Variants in EIF2D observed in about 807,000 individuals in gnomAD.
EIF2D encodes hepatocellular carcinoma-associated antigen 56.
EIF2D carries 56 observed loss-of-function variants against 77.4 expected under a neutral mutation model. The ratio of observed to expected loss-of-function variants is 0.72; its 90% confidence interval spans 0.58 to 0.90. The LOEUF is 0.90. EIF2D is among the 40% of genes least tolerant of loss of function. The pLI, the probability that EIF2D is intolerant of heterozygous loss-of-function variation, is 0.00. For synonymous variants in EIF2D, 230 were observed against 271.0 expected (o/e 0.85, Z 1.49); for missense variants, 574 against 706.5 (o/e 0.81, Z 2.13).
intron 4 of EIF2D, among the ~76,000 whole-genome samples, chr1:206,607,200 T>G (rs1670241240): frequency 6.6e-6 from 1 of 151,488 alleles, no homozygotes; most frequent in Non-Finnish European, 1.5e-5. Flanking sequence ...CGCATAAAAA[T>G]AAAAAAGAAA....
At chr1:206,589,160 CCTT>C (rs2102268182), downstream of EIF2D, 1 of 152,664 alleles carries the variant, frequency 6.6e-6, no homozygotes, top group South Asian at 2.1e-4. Flanking sequence ...GCTGGTAGTG[CCTT>C]CTTTGGTTGT....
Position 206,611,138 on chromosome 1 carries a change from C to A in EIF2D, c.247+46G>T, listed in dbSNP as rs1553413864. On this transcript the variant is annotated intron_variant, in intron 2 of 14. Transcript: ENST00000271764. Reference sequence around the variant, plus strand: ...GAAACAGAGAGAAGCAGATGTTAGGCAAGAACTACCTAATGGTAATGGCCA... The same window carrying A: ...GAAACAGAGAGAAGCAGATGTTAGGAAAGAACTACCTAATGGTAATGGCCA... 3 of 1,524,058 alleles carry A rather than the reference C, an allele frequency of 2.0e-6. No homozygotes were observed. In the East Asian group the frequency reaches 6.9e-5, roughly 35 times the overall value. 94.4% of individuals were successfully genotyped at this position (1,524,058 alleles called of 1,614,324 possible). A position where few individuals can be genotyped will look rare whatever the true frequency, so the allele number is the denominator to read the frequency against.
At position 206,579,666 on chromosome 1, in the gene EIF2D, T is replaced by A. The variant is rs371557123; in HGVS notation, c.*254+1026A>T. 7.9e-5 allele frequency among the ~76,000 whole-genome samples: 12 copies of A among 152,166 alleles called. No homozygotes were observed. Among genetic ancestry groups the A allele is most frequent in the African/African-American group, 2.9e-4 (12 of 41,428 alleles). On this transcript the variant is annotated intron_variant and NMD_transcript_variant, in intron 4 of 5. Transcript: ENST00000472709. This position sits in a 1 kb window ranked among gnomAD's most constrained non-coding sequence, Gnocchi z 4.2. ...GAATTAAAATCAACTAGGAGATTTT[T>A]AAAATTCCCATGCCCAGACTGCACC... is the stretch of plus-strand genomic sequence containing the variant.
chr1:206,593,506 A>AGTGTGTGTGTGCGT (rs1286437460), intron 14 of EIF2D, 113 bp downstream of exon 14: 5,922 of 441,228 alleles, frequency 0.013, 172 homozygotes, highest in African/African-American at 0.053. Flanking sequence ...AGAGAGAGAG[A>AGTGTGTGTGTGCGT]GAGTGTGTGT....
intron 4 of EIF2D, among the ~76,000 whole-genome samples, chr1:206,578,454 T>C (rs782350788): frequency 6.6e-6 from 1 of 152,132 alleles, no homozygotes; most frequent in Non-Finnish European, 1.5e-5. Flanking sequence ...CGGTACATAT[T>C]AGCTGTAGTG....
intron 14 of EIF2D, 111 bp downstream of exon 14, chr1:206,593,508 A>AGAGAGTGTGTGT (rs10533643): frequency 7.0e-5 from 28 of 401,570 alleles, no homozygotes; most frequent in African/African-American, 5.4e-4. Context: ...AGAGAGAGAG[A>AGAGAGTGTGTGT]GTGTGTGTGT....
intron 4 of EIF2D, among the ~76,000 whole-genome samples, chr1:206,573,303 T>C (rs1553404564): frequency 2.0e-5 from 3 of 152,184 alleles, no homozygotes; most frequent in African/African-American, 7.2e-5. Context: ...CCCAAATTTA[T>C]AGATGAAGAA....
chr1:206,582,327 A>G (rs1553406538), intron 2 of EIF2D, among the ~76,000 whole-genome samples: 1 of 152,222 alleles, frequency 6.6e-6, no homozygotes, highest in African/African-American at 2.4e-5. Flanking sequence ...ATCTGGGAAC[A>G]TATGAGAAGA....
chr1:206,575,824 C>T (rs1347724690), intron 4 of EIF2D, among the ~76,000 whole-genome samples: 1 of 152,228 alleles, frequency 6.6e-6, no homozygotes, highest in African/African-American at 2.4e-5. Context: ...CATTTGTTCT[C>T]ATCAGCTAGC....
At chr1:206,590,390 C>T (rs782341154), downstream of EIF2D, among the ~76,000 whole-genome samples, 1 of 152,184 alleles carries the variant, frequency 6.6e-6, no homozygotes, top group Non-Finnish European at 1.5e-5. Context: ...CCTTCAAGAT[C>T]GTGCAAAACA....
chr1:206,583,136 C>T (rs1051675096), intron 2 of EIF2D: 13 of 638,546 alleles, frequency 2.0e-5, no homozygotes, highest in Admixed American at 4.6e-5. Flanking sequence ...ACTCCGAGTC[C>T]GTGCAGTTAG....
chr1:206,598,317 C>T (rs1669748483), intron 11 of EIF2D, among the ~76,000 whole-genome samples: 1 of 152,170 alleles, frequency 6.6e-6, no homozygotes, highest in African/African-American at 2.4e-5. Context: ...GGATTACAGA[C>T]ATAAGCCACA....
intron 2 of EIF2D, chr1:206,585,245 A>ACGG (rs1669064719): frequency 6.2e-7 from 1 of 1,613,942 alleles, no homozygotes; most frequent in Non-Finnish European, 8.5e-7. Context: ...TGGGCCTGAC[A>ACGG]CGGAGGTCCT....
At chr1:206,588,846 C>T (rs956959487), downstream of EIF2D, 2 of 152,698 alleles carry the variant, frequency 1.3e-5, no homozygotes, top group East Asian at 3.7e-4. Flanking sequence ...TTCCTTCGTC[C>T]TGCATGTCTC....
Position 206,599,053 on chromosome 1 carries a change from G to A in EIF2D, c.1242C>T (p.Ile414=), listed in dbSNP as rs144772990. The A allele has an allele frequency of 2.2e-4, 360 of 1,614,104 alleles. No homozygotes were observed. Among genetic ancestry groups the A allele is most frequent in the Non-Finnish European group, 2.9e-4 (340 of 1,180,012 alleles). ...SFLEGSEVRT[I]VINYAKKNDL... ...CATTTTTCTTGGCGTAGTTAATGAC[G>A]ATCGTTCGGACCTCACTGCCCTCCA... is the stretch of plus-strand genomic sequence containing the variant. Residue 414 remains isoleucine, a synonymous_variant, in exon 11 of 15, where the codon ATC becomes ATT. Transcript: ENST00000271764. The surrounding 1 kb of genome is among the most constrained non-coding windows in gnomAD (Gnocchi z 4.1).
chr1:206,591,145 T>A (rs1393721670), downstream of EIF2D, among the ~76,000 whole-genome samples: 1 of 152,216 alleles, frequency 6.6e-6, no homozygotes, highest in African/African-American at 2.4e-5. Flanking sequence ...GACTCTTCAC[T>A]GTAACAAAGC....
At chr1:206,581,333 C>T (rs1668865872) in intron 2 of EIF2D, among the ~76,000 whole-genome samples, 2 of 152,146 alleles carry the variant, frequency 1.3e-5, no homozygotes, top group Non-Finnish European at 2.9e-5. Context: ...TGCGGTGGCT[C>T]ACACCTGTAA....
chr1:206,578,232 A>AGTGTGTGTG lies in EIF2D; in HGVS notation c.*254+2459_*254+2460insCACACACAC, dbSNP rs1553405555. On this transcript the variant is annotated intron_variant and NMD_transcript_variant, in intron 4 of 5. Transcript: ENST00000472709. ...CAGAGGGAGACATCTCAAAAAAAAA[A>AGTGTGTGTG]AGTGTGTGTGTGTGTGTGTGTGTGT... Among the ~76,000 whole-genome samples, 559 of 130,478 alleles carry AGTGTGTGTG rather than the reference A, an allele frequency of 4.3e-3. 4 individuals are homozygous for AGTGTGTGTG. Among genetic ancestry groups the AGTGTGTGTG allele is most frequent in the African/African-American group, 0.016 (527 of 33,524 alleles). 85.6% of individuals were successfully genotyped at this position (130,478 alleles called of 152,430 possible).
At chr1:206,581,635 GGGAGA>G (rs1668882692) in intron 2 of EIF2D, among the ~76,000 whole-genome samples, 1 of 151,438 alleles carries the variant, frequency 6.6e-6, no homozygotes, top group Admixed American at 6.6e-5. Flanking sequence ...AGAGAGAGGG[GGGAGA>G]GAGAGAGAGA....
Sources: gnomAD v4.1 joint callset for allele counts (sites outside exome capture counted in the v4.1 genomes callset) on GRCh38, gnomAD v4.1.1 for gene constraint, Gnocchi (gnomAD v3.1) non-coding constraint, MANE v1.5 for transcripts, NCBI Gene and HGNC (gene_info 2026-07-23, HGNC 2026-07-21) for gene names.